The following MAP3K15 variants were observed in gnomAD, a reference collection of about 807,000 sequenced individuals.
MAP3K15 encodes the protein mitogen-activated protein kinase kinase kinase 15, also known as MAPK/ERK kinase kinase 15.
In MAP3K15, 124 loss-of-function variants were observed where a neutral mutation model predicts 99.5. The ratio of observed to expected loss-of-function variants is 1.25; its 90% CI spans 1.08 to 1.45. MAP3K15 has a LOEUF of 1.45. Among genes scored for constraint, MAP3K15 ranks in the 40% most tolerant of loss-of-function variants. The pLI is 0.00. For synonymous variants in MAP3K15, 494 were observed against 439.6 expected, an observed-to-expected ratio of 1.12 and a Z score of -1.55; for missense variants, 1,242 against 1,079.7, an observed-to-expected ratio of 1.15 and a Z score of -2.11.
At chrX:19,401,901 T>C (rs2063611077) in intron 13 of MAP3K15, among the ~76,000 whole-genome samples, 3 of 112,178 alleles carry the variant, frequency 2.7e-5, no homozygotes, top group African/African-American at 9.7e-5. Flanking sequence ...TAACCCATCT[T>C]ACCTTTTCTT....
chrX:19,505,256 C>A (rs2064468506), intron 1 of MAP3K15, among the ~76,000 whole-genome samples: 1 of 109,179 alleles, frequency 9.2e-6, no homozygotes, highest in African/African-American at 3.4e-5. Flanking sequence ...GTACTATGAA[C>A]AGTAATGATT....
intron 3 of MAP3K15, among the ~76,000 whole-genome samples, chrX:19,481,466 G>A (rs995474659): frequency 1.9e-4 from 21 of 111,054 alleles, no homozygotes; most frequent in African/African-American, 6.6e-4. Context: ...CATGACCTTG[G>A]TTTGGGCTAA....
chrX:19,409,922 A>G lies in MAP3K15; in HGVS notation c.1748+2T>C. 1.7e-6 allele frequency: 2 copies of G among 1,191,524 alleles called. 1 individual carries two copies. Among genetic ancestry groups the G allele is most frequent in the Non-Finnish European group, 2.3e-6 (2 of 877,995 alleles). ...TAACTCCATTTTCTCCTATGTTCTT[A>G]CCTTATTCCCTTTATGGAAGAGGCT... On this transcript the variant is annotated splice_donor_variant, in intron 12 of 28. Coordinates refer to ENST00000338883, the MANE Select transcript of MAP3K15 (RefSeq NM_001001671.4). LOFTEE classifies it high-confidence loss of function.
intron 6 of MAP3K15, among the ~76,000 whole-genome samples, chrX:19,455,512 A>C (rs1240864263): frequency 1.2e-5 from 1 of 85,306 alleles, no homozygotes; most frequent in Non-Finnish European, 2.1e-5. Context: ...ATGCCTGGCT[A>C]ATTTTTTTTT....
At chrX:19,451,784 C>A (rs1216554818) in intron 6 of MAP3K15, among the ~76,000 whole-genome samples, 1 of 110,075 alleles carries the variant, frequency 9.1e-6, no homozygotes, top group Non-Finnish European at 1.9e-5. Flanking sequence ...TAAAAATATG[C>A]CAGGCATGGT....
At chrX:19,426,842 A>G (rs976342185) in intron 7 of MAP3K15, among the ~76,000 whole-genome samples, 1 of 107,242 alleles carries the variant, frequency 9.3e-6, no homozygotes, top group Non-Finnish European at 1.9e-5. Flanking sequence ...AAAAAAAAAA[A>G]AGTCATAATA....
intron 6 of MAP3K15, among the ~76,000 whole-genome samples, chrX:19,450,452 G>A (rs1045846079): frequency 2.7e-5 from 3 of 110,208 alleles, no homozygotes; most frequent in Non-Finnish European, 5.8e-5. Context: ...CTGAATAAAG[G>A]CAGCATTGCC....
At chrX:19,366,274 G>GAC (rs368684651) in intron 25 of MAP3K15, among the ~76,000 whole-genome samples, 5 of 111,365 alleles carry the variant, frequency 4.5e-5, no homozygotes, top group African/African-American at 1.6e-4. Context: ...TAGTGAAGGA[G>GAC]ACAACTCAAG....
At chrX:19,501,284 C>T (rs1462942286) in intron 1 of MAP3K15, among the ~76,000 whole-genome samples, 1 of 111,760 alleles carries the variant, frequency 8.9e-6, no homozygotes, top group African/African-American at 3.3e-5. Context: ...AAGTAAAAAT[C>T]GTACTTATAT....
At chrX:19,429,478 G>C (rs1216223252) in intron 7 of MAP3K15, among the ~76,000 whole-genome samples, 1 of 110,545 alleles carries the variant, frequency 9.0e-6, no homozygotes, top group African/African-American at 3.3e-5. Flanking sequence ...TTAGACCTAG[G>C]AGGGTAGAGA....
At position 19,515,051 on chromosome X, in the gene MAP3K15, A is replaced by T. The variant is rs1924876331; in HGVS notation, c.211T>A (p.Ser71Thr). ...GGGCCGCCGGCCGCGCCGCCCTGGGAGCTCTCACTGCGCACGTATACTGCC... is the reference window on the plus strand; with the variant it reads ...GGGCCGCCGGCCGCGCCGCCCTGGGTGCTCTCACTGCGCACGTATACTGCC... Reference protein sequence around the residue: ...LRAVYVRSESSQGGAAGGPEA... With the variant: ...LRAVYVRSESTQGGAAGGPEA... Residue 71 changes from serine (S) to threonine (T), a missense_variant, in exon 1 of 29, where the codon TCC becomes ACC. Ser to Thr is a moderately conservative substitution (Grantham distance 58). Coordinates refer to ENST00000338883, the MANE Select transcript of MAP3K15 (RefSeq NM_001001671.4). The T allele has an allele frequency of 9.0e-6, 9 of 995,940 alleles. No individual in the cohort carries two copies. Among genetic ancestry groups the T allele is most frequent in the Non-Finnish European group, 1.2e-5 (9 of 763,764 alleles). 82.1% of individuals were successfully genotyped at this position (995,940 alleles called of 1,213,427 possible).
At chrX:19,380,315 A>G in intron 18 of MAP3K15, 38 bp from the exon 19 acceptor site, 1 of 1,193,511 alleles carries the variant, frequency 8.4e-7, no homozygotes, top group Non-Finnish European at 1.1e-6. Context: ...TGGGTACCAT[A>G]TTGCTCAGAA....
intron 5 of MAP3K15, among the ~76,000 whole-genome samples, chrX:19,457,706 G>A (rs1377900013): frequency 8.9e-6 from 1 of 112,214 alleles, no homozygotes; most frequent in Admixed American, 9.5e-5. Context: ...TCCAGTCAAA[G>A]CACATAGATT....
intron 6 of MAP3K15, among the ~76,000 whole-genome samples, chrX:19,443,050 T>TTTTTG (rs1341492232): frequency 1.2e-5 from 1 of 84,118 alleles, no homozygotes; most frequent in Non-Finnish European, 2.3e-5. Flanking sequence ...TTTTTTTTTT[T>TTTTTG]GAGATGGAGT....
intron 20 of MAP3K15, among the ~76,000 whole-genome samples, 187 bp downstream of exon 20, chrX:19,374,290 T>G (rs930091366): frequency 2.7e-5 from 3 of 111,326 alleles, no homozygotes; most frequent in African/African-American, 9.8e-5. Context: ...GAGGTGCATG[T>G]ATTAGTTGGA....
At chrX:19,507,575 CAAAAAAAAAAAAAAAAAAAAAAA>C (rs1165492097) in intron 1 of MAP3K15, among the ~76,000 whole-genome samples, 7 of 10,892 alleles carry the variant, frequency 6.4e-4, no homozygotes, top group Admixed American at 1.3e-3. Context: ...CACCTTGTCT[CAAAAAAAAAAAAAAAAAAAAAAA>C]AAAAAAAAAA....
chrX:19,456,870 G>T, intron 6 of MAP3K15, 43 bp downstream of exon 6: 1 of 966,041 alleles, frequency 1.0e-6, no homozygotes, highest in South Asian at 2.1e-5. Flanking sequence ...ACAATTCAAT[G>T]GGTGGCATGT....
Position 19,515,221 on chromosome X carries a change from C to A in MAP3K15, c.41G>T (p.Gly14Val). The A allele has an allele frequency of 1.1e-6, 1 of 890,359 alleles. No homozygotes were observed. Among genetic ancestry groups the A allele is most frequent in the Non-Finnish European group, 1.4e-6 (1 of 725,607 alleles). The allele number at this position is 890,359 out of a possible 1,213,427, so 73.4% of individuals were successfully genotyped here. A position where few individuals can be genotyped will look rare whatever the true frequency, so the allele number is the denominator to read the frequency against. The stretch of plus-strand genomic sequence containing the variant: ...GCACTGAGGGGACTCGCTCGCCGCC[C>A]CGAGGGCCCCGGCCGGAGCATTCCC... ...GGGNAPAGALGAASESPQCPP... is the reference protein window; with the variant it reads ...GGGNAPAGALVAASESPQCPP... Residue 14 changes from glycine to valine, a missense_variant, in exon 1 of 29, where the codon GGG (glycine) becomes GTG (valine). By Grantham distance (109) the Gly-to-Val change is moderately radical. Transcript: ENST00000338883.
intron 22 of MAP3K15, 106 bp from the exon 23 acceptor site, chrX:19,371,636 C>T (rs2063376504): frequency 4.0e-6 from 3 of 748,731 alleles, no homozygotes; most frequent in South Asian, 2.8e-5. Context: ...ACTTGTGGAA[C>T]TCCCAGGTGA....
Sources: gnomAD v4.1 joint callset for allele counts (sites outside exome capture counted in the v4.1 genomes callset) on GRCh38, gnomAD v4.1.1 for gene constraint, MANE v1.5 for transcripts, NCBI Gene and HGNC (gene_info 2026-07-23, HGNC 2026-07-21) for gene names.